The following SMYD3 variants were observed in gnomAD, a reference collection of about 807,000 sequenced individuals.
The protein encoded by SMYD3 is histone-lysine N-methyltransferase SMYD3.
A neutral mutation model predicts 57.7 loss-of-function variants in SMYD3; 36 were observed. The ratio of observed to expected loss-of-function variants is 0.62; its 90% CI spans 0.48 to 0.82. The LOEUF (loss-of-function observed/expected upper bound fraction) is 0.82. Among genes scored for constraint, SMYD3 ranks in the 40% least tolerant of loss-of-function variants. SMYD3 has a pLI of 0.00. For synonymous variants in SMYD3, 211 were observed against 195.0 expected (o/e 1.08, Z -0.68); for missense variants, 515 against 538.8 (o/e 0.96, Z 0.44).
At chr1:245,917,313 A>C (rs1400904571) in intron 7 of SMYD3, among the ~76,000 whole-genome samples, 3 of 152,242 alleles carry the variant, frequency 2.0e-5, no homozygotes, top group African/African-American at 7.2e-5. Context: ...GGCGTAAGCC[A>C]CTGCACCCAG....
intron 8 of SMYD3, among the ~76,000 whole-genome samples, chr1:245,879,361 TA>T (rs1344930740): frequency 2.6e-5 from 4 of 152,218 alleles, no homozygotes; most frequent in Non-Finnish European, 5.9e-5. Context: ...CAGTAACCGC[TA>T]AATGCACATG....
intron 5 of SMYD3, chr1:246,178,983 T>G (rs2062483544): frequency 6.5e-6 from 1 of 152,810 alleles, no homozygotes; most frequent in South Asian, 2.0e-4. Flanking sequence ...AGGGAACAGT[T>G]TAAGTCAAAC....
At chr1:246,147,046 T>G (rs2061855876) in intron 5 of SMYD3, among the ~76,000 whole-genome samples, 1 of 152,156 alleles carries the variant, frequency 6.6e-6, no homozygotes. Flanking sequence ...AGATTCCCCC[T>G]CGCTTCTTGC....
chr1:246,193,144 C>T (rs549164700), intron 5 of SMYD3, among the ~76,000 whole-genome samples: 52 of 152,266 alleles, frequency 3.4e-4, no homozygotes, highest in African/African-American at 6.5e-4. Context: ...TCCCATTTAT[C>T]GTCATATCTT....
At chr1:245,813,984 C>CA (rs1213533646) in intron 10 of SMYD3, among the ~76,000 whole-genome samples, 1 of 151,384 alleles carries the variant, frequency 6.6e-6, no homozygotes, top group African/African-American at 2.4e-5. Context: ...TTCATTGTTT[C>CA]ACCTTTTCCG....
At chr1:246,238,956 A>C (rs890378069) in intron 5 of SMYD3, among the ~76,000 whole-genome samples, 2 of 149,948 alleles carry the variant, frequency 1.3e-5, no homozygotes, top group Admixed American at 6.6e-5. Flanking sequence ...GGAGAGACGA[A>C]CTGTGCAAGT....
At chr1:246,258,789 C>CT (rs2063944454) in intron 5 of SMYD3, among the ~76,000 whole-genome samples, 1 of 151,564 alleles carries the variant, frequency 6.6e-6, no homozygotes, top group Non-Finnish European at 1.5e-5. Flanking sequence ...GGGAAATTTT[C>CT]TTTAATTCCT....
At position 246,478,038 on chromosome 1, in the gene SMYD3, T is replaced by C. The variant is rs77447911; in HGVS notation, c.164+29016A>G. Among the ~76,000 whole-genome samples the C allele has an allele frequency of 8.4e-3, 1,283 of 152,344 alleles. 14 individuals carry two copies. Among genetic ancestry groups the C allele is most frequent in the African/African-American group, 0.029 (1,221 of 41,582 alleles). On this transcript the variant is annotated intron_variant, in intron 1 of 11. Coordinates refer to ENST00000490107, the MANE Select transcript of SMYD3 (RefSeq NM_001167740.2). ...AAAGATGACTGAGAGAATTTGCTTC[T>C]AAGGTCCTCCCAGTCTTCATACTAA...
intron 8 of SMYD3, among the ~76,000 whole-genome samples, chr1:245,907,864 A>G (rs1343824480): frequency 6.6e-6 from 1 of 152,208 alleles, no homozygotes; most frequent in Non-Finnish European, 1.5e-5. Flanking sequence ...ATGGCCAGGC[A>G]TGGTGGCTCA....
intron 5 of SMYD3, among the ~76,000 whole-genome samples, chr1:246,325,598 T>G (rs2065337120): frequency 6.6e-6 from 1 of 152,026 alleles, no homozygotes; most frequent in African/African-American, 2.4e-5. Flanking sequence ...CTATACAACA[T>G]GGAGATAATT....
At chr1:246,423,826 G>GA (rs1419126366) in intron 1 of SMYD3, among the ~76,000 whole-genome samples, 1 of 152,138 alleles carries the variant, frequency 6.6e-6, no homozygotes, top group East Asian at 1.9e-4. Context: ...AGAACAAGTA[G>GA]AATCTTATAG....
At chr1:246,280,651 C>G (rs1320468571) in intron 5 of SMYD3, among the ~76,000 whole-genome samples, 1 of 152,114 alleles carries the variant, frequency 6.6e-6, no homozygotes, top group Non-Finnish European at 1.5e-5. Flanking sequence ...CCTACTGTAG[C>G]TTGAAATGTT....
In SMYD3 at chr1:246,202,428, G is replaced by A. The variant is rs1262863861; in HGVS notation, c.531+124773C>T. ...AGTTCTTTTTCCAACCAAGTCAGAGGACTCCTGCTACTGCAAACCCCAGGC... is the reference window on the plus strand; with the variant it reads ...AGTTCTTTTTCCAACCAAGTCAGAGAACTCCTGCTACTGCAAACCCCAGGC... On this transcript the variant is annotated intron_variant, in intron 5 of 11. Coordinates refer to ENST00000490107, the MANE Select transcript of SMYD3 (RefSeq NM_001167740.2). The surrounding 1 kb of genome is among the most constrained non-coding windows in gnomAD (Gnocchi z 4.1). Among the ~76,000 whole-genome samples the A allele has an allele frequency of 2.0e-5, 3 of 152,064 alleles. No individual in the cohort carries two copies. The highest frequency in any genetic ancestry group is 2.1e-4 in the South Asian group (1 of 4,820).
intron 11 of SMYD3, among the ~76,000 whole-genome samples, chr1:245,759,236 G>T (rs989425437): frequency 2.6e-5 from 4 of 152,094 alleles, no homozygotes; most frequent in African/African-American, 7.2e-5. Context: ...AGAGCCAGGG[G>T]CTTCCAAACA....
At position 245,833,073 on chromosome 1, in the gene SMYD3, A is replaced by C. The variant is rs4998691; in HGVS notation, c.1076+25423T>G. On this transcript the variant is annotated intron_variant, in intron 10 of 11. Coordinates refer to ENST00000490107, the MANE Select transcript of SMYD3 (RefSeq NM_001167740.2). ...GGAATATGTGACAAAAAAAAAAAAA[A>C]AACCTGCTTTTATAATGCTGATTCA... is the stretch of plus-strand genomic sequence containing the variant. Among the ~76,000 whole-genome samples, 28 of 128,596 alleles carry C rather than the reference A, an allele frequency of 2.2e-4. 4 individuals are homozygous for C. Among genetic ancestry groups the C allele is most frequent in the East Asian group, 1.4e-3 (4 of 2,962 alleles). The allele number at this position is 128,596 out of a possible 152,430, so 84.4% of individuals were successfully genotyped here. A position where few individuals can be genotyped will look rare whatever the true frequency, so the allele number is the denominator to read the frequency against.
intron 5 of SMYD3, among the ~76,000 whole-genome samples, chr1:246,309,934 G>A (rs1478498668): frequency 6.6e-6 from 1 of 152,188 alleles, no homozygotes; most frequent in African/African-American, 2.4e-5. Flanking sequence ...GACACTACAT[G>A]AGGAAATCTA....
At chr1:246,292,243 C>A (rs1216706780) in intron 5 of SMYD3, among the ~76,000 whole-genome samples, 1 of 151,758 alleles carries the variant, frequency 6.6e-6, no homozygotes, top group Non-Finnish European at 1.5e-5. Context: ...ACTTACTATC[C>A]AAAACACCAG....
At chr1:246,361,598 T>C (rs1051589768) in intron 1 of SMYD3, among the ~76,000 whole-genome samples, 1 of 152,154 alleles carries the variant, frequency 6.6e-6, no homozygotes, top group Non-Finnish European at 1.5e-5. Flanking sequence ...ATATACACCA[T>C]GGAATAACAC....
intron 10 of SMYD3, among the ~76,000 whole-genome samples, chr1:245,846,413 T>C (rs2050667680): frequency 6.6e-6 from 1 of 152,188 alleles, no homozygotes; most frequent in Non-Finnish European, 1.5e-5. Context: ...AATGGTATAG[T>C]GGAAAGACCA....
Sources: gnomAD v4.1 joint callset for allele counts (sites outside exome capture counted in the v4.1 genomes callset) on GRCh38, gnomAD v4.1.1 for gene constraint, Gnocchi (gnomAD v3.1) non-coding constraint, MANE v1.5 for transcripts, NCBI Gene and HGNC (gene_info 2026-07-23, HGNC 2026-07-21) for gene names.